The following BBS9 variants were observed in gnomAD, a reference collection of about 807,000 sequenced individuals.
BBS9 encodes the protein Bardet-Biedl syndrome 9.
BBS9 carries 89 observed loss-of-function variants against 117.7 expected under a neutral mutation model. That is an observed-to-expected ratio of 0.76 (90% CI 0.64 to 0.90). The LOEUF (loss-of-function observed/expected upper bound fraction) is 0.90, where lower values mean the gene tolerates loss of function less well. Ranked by LOEUF, BBS9 falls within the 40% of genes least tolerant of loss-of-function variation. The probability of loss-of-function intolerance (pLI) is 0.00; values close to 1 mark genes in which losing one functional copy is unlikely to be tolerated. For missense variants in BBS9, 982 were observed against 1,042.2 expected (o/e 0.94, Z 0.80); for synonymous variants, 379 against 370.9 (o/e 1.02, Z -0.25).
chr7:33,457,926 G>A lies in BBS9; in HGVS notation c.2116-47537G>A, dbSNP rs544160901. ...TATAGATCAATAAAAGTCCGAAGAG[G>A]TTAAGTGACGTTCAAGTAACACAGC... On this transcript the variant is annotated intron_variant, in intron 19 of 22. Coordinates refer to ENST00000242067, the MANE Select transcript of BBS9 (RefSeq NM_198428.3). Among the ~76,000 whole-genome samples the A allele has an allele frequency of 7.9e-5, 12 of 152,258 alleles. No homozygotes were observed. The South Asian group carries it at 2.5e-3, about 32-fold the overall frequency.
chr7:33,627,382 C>A (rs1232059138), intron 21 of BBS9, among the ~76,000 whole-genome samples: 1 of 152,190 alleles, frequency 6.6e-6, no homozygotes, highest in Non-Finnish European at 1.5e-5. Flanking sequence ...GGGGCAGAGC[C>A]CTTATGGAGA....
chr7:33,215,707 GA>G (rs1788924806), intron 5 of BBS9, among the ~76,000 whole-genome samples: 1 of 152,106 alleles, frequency 6.6e-6, no homozygotes, highest in Non-Finnish European at 1.5e-5. Flanking sequence ...GCAGCTATTT[GA>G]ATGGAACTGG....
intron 19 of BBS9, among the ~76,000 whole-genome samples, chr7:33,492,811 A>AGT (rs57870306): frequency 0.11 from 13,861 of 131,388 alleles, 837 homozygotes; most frequent in Non-Finnish European, 0.14. Flanking sequence ...TATAGGAGTG[A>AGT]GTGTGTGTGT....
rs6462461 is a variant in BBS9, at chr7:33,155,724, G to A, written c.328+22G>A. ...TCAGGTAAGAAATATTTTTACCAAT[G>A]TAGAATTTATATTACAAATTGGGCT... On this transcript the variant is annotated intron_variant, in intron 4 of 22. Transcript: ENST00000242067. 9.1e-3 allele frequency: 9,962 copies of A among 1,092,354 alleles called. 1,267 individuals are homozygous for A. In the African/African-American group the frequency reaches 0.15, roughly 17 times the overall value. The allele number at this position is 1,092,354 out of a possible 1,614,324, so 67.7% of individuals were successfully genotyped here. A position where few individuals can be genotyped will look rare whatever the true frequency, so the allele number is the denominator to read the frequency against.
chr7:33,525,608 T>G (rs1200177081), intron 20 of BBS9, among the ~76,000 whole-genome samples: 3 of 133,332 alleles, frequency 2.3e-5, no homozygotes, highest in Admixed American at 8.2e-5. Context: ...TTAGTAGATC[T>G]TCCTCCATCC....
intron 21 of BBS9, among the ~76,000 whole-genome samples, chr7:33,584,796 A>G (rs866382574): frequency 6.6e-6 from 1 of 152,110 alleles, no homozygotes; most frequent in African/African-American, 2.4e-5. Context: ...GGGTGGTTTT[A>G]TAGCATGGTG....
intron 21 of BBS9, among the ~76,000 whole-genome samples, chr7:33,619,114 T>C (rs10233464): frequency 0.045 from 6,823 of 152,186 alleles, 466 homozygotes; most frequent in African/African-American, 0.15. Flanking sequence ...AGAGATTCAC[T>C]TTACCTTTAA....
intron 19 of BBS9, among the ~76,000 whole-genome samples, chr7:33,474,136 C>T (rs1167769836): frequency 1.3e-5 from 2 of 152,148 alleles, no homozygotes; most frequent in African/African-American, 2.4e-5. Flanking sequence ...TGTGTGTTCC[C>T]TGTGGTGAAC....
At chr7:33,561,826 C>A (rs1297868351) in intron 21 of BBS9, among the ~76,000 whole-genome samples, 1 of 152,076 alleles carries the variant, frequency 6.6e-6, no homozygotes, top group Non-Finnish European at 1.5e-5. Context: ...GCTGAAAATT[C>A]CAGAATAAGA....
At chr7:33,330,082 C>T (rs1006823355) in intron 9 of BBS9, among the ~76,000 whole-genome samples, 1 of 151,804 alleles carries the variant, frequency 6.6e-6, no homozygotes, top group Admixed American at 6.6e-5. Context: ...GGCATGATCT[C>T]GGCTCACTGC....
intron 11 of BBS9, among the ~76,000 whole-genome samples, chr7:33,343,643 T>A (rs541221821): frequency 6.6e-4 from 101 of 151,912 alleles, no homozygotes; most frequent in Admixed American, 1.2e-3. Context: ...GGATTACAGG[T>A]GCCTGCCACC....
chr7:33,469,768 C>G (rs1338448259), intron 19 of BBS9, among the ~76,000 whole-genome samples: 1 of 152,060 alleles, frequency 6.6e-6, no homozygotes. Context: ...AAAAAGAAAG[C>G]TGCCTGGCCC....
At chr7:33,252,298 A>G (rs1051946764) in intron 5 of BBS9, among the ~76,000 whole-genome samples, 1 of 152,180 alleles carries the variant, frequency 6.6e-6, no homozygotes, top group South Asian at 2.1e-4. Flanking sequence ...ACAATTTGAC[A>G]TGAGATTTGG....
At chr7:33,239,304 C>T (rs1431164183) in intron 5 of BBS9, among the ~76,000 whole-genome samples, 1 of 152,140 alleles carries the variant, frequency 6.6e-6, no homozygotes. Context: ...CTTAAAACAA[C>T]CCTGTAAAAT....
intron 21 of BBS9, among the ~76,000 whole-genome samples, chr7:33,588,050 A>G (rs1009663061): frequency 2.0e-5 from 3 of 152,118 alleles, no homozygotes; most frequent in Non-Finnish European, 2.9e-5. Context: ...TCATCCATAA[A>G]TAACTATTAT....
At chr7:33,565,844 TTATA>T (rs1554539789) in intron 21 of BBS9, among the ~76,000 whole-genome samples, 59 of 80,040 alleles carry the variant, frequency 7.4e-4, no homozygotes, top group Admixed American at 4.8e-3. Flanking sequence ...TATATACTGC[TTATA>T]TATATATATA....
chr7:33,324,027 G>A (rs1045521003), intron 9 of BBS9, among the ~76,000 whole-genome samples: 1 of 151,550 alleles, frequency 6.6e-6, no homozygotes, highest in African/African-American at 2.4e-5. Flanking sequence ...TAGTAGAGAC[G>A]GAGTTTCACC....
intron 21 of BBS9, among the ~76,000 whole-genome samples, chr7:33,633,265 A>G (rs961538464): frequency 5.3e-5 from 8 of 152,058 alleles, no homozygotes; most frequent in East Asian, 1.9e-4. Context: ...AAATAGTTCT[A>G]TATAGTTTGC....
At chr7:33,166,012 G>T (rs1265974850) in intron 4 of BBS9, among the ~76,000 whole-genome samples, 1 of 152,154 alleles carries the variant, frequency 6.6e-6, no homozygotes, top group Non-Finnish European at 1.5e-5. Context: ...ACCTACAGAT[G>T]GGGTTTGGGT....
Sources: allele counts gnomAD v4.1 joint callset (sites outside exome capture counted in the v4.1 genomes callset), GRCh38; gene constraint gnomAD v4.1.1; transcripts MANE v1.5; gene names NCBI Gene and HGNC (gene_info 2026-07-23, HGNC 2026-07-21).